The following PHF21A variants were observed in gnomAD, a reference collection of about 807,000 sequenced individuals.
PHF21A encodes PHD finger protein 21A, also known as BHC80a.
A neutral mutation model predicts 82.5 loss-of-function variants in PHF21A; 11 were observed. The observed-to-expected ratio is 0.13, with a 90% CI of 0.08 to 0.22. PHF21A has a LOEUF of 0.22. Ranked by LOEUF, PHF21A falls within the 10% of genes least tolerant of loss-of-function variation. PHF21A has a pLI of 1.00. For missense variants in PHF21A, 579 were observed against 837.8 expected (o/e 0.69, Z 3.81); for synonymous variants, 297 against 302.8 (o/e 0.98, Z 0.20).
chr11:46,029,432 A>G (rs1054581164), intron 6 of PHF21A, among the ~76,000 whole-genome samples: 1 of 152,240 alleles, frequency 6.6e-6, no homozygotes, highest in Non-Finnish European at 1.5e-5. Flanking sequence ...TCACGCCTGT[A>G]ATCCTAATAC....
At chr11:45,969,094 A>G (rs2136028684) in intron 9 of PHF21A, among the ~76,000 whole-genome samples, 1 of 152,226 alleles carries the variant, frequency 6.6e-6, no homozygotes, top group Admixed American at 6.5e-5. Flanking sequence ...TTTGGAAATC[A>G]TTTACACTAC....
At chr11:46,111,525 A>G (rs2097214026) in intron 1 of PHF21A, among the ~76,000 whole-genome samples, 1 of 152,190 alleles carries the variant, frequency 6.6e-6, no homozygotes, top group Non-Finnish European at 1.5e-5. Flanking sequence ...GTTTTCTTAA[A>G]TAAACATGGT....
intron 6 of PHF21A, among the ~76,000 whole-genome samples, chr11:46,008,650 T>C (rs1286431218): frequency 1.3e-5 from 2 of 152,180 alleles, no homozygotes; most frequent in African/African-American, 4.8e-5. Flanking sequence ...CTGGTGCTGC[T>C]GGACAAGTCA....
chr11:45,997,728 A>T (rs2094957700), intron 6 of PHF21A, among the ~76,000 whole-genome samples: 1 of 152,224 alleles, frequency 6.6e-6, no homozygotes, highest in Non-Finnish European at 1.5e-5. Context: ...GTTCTGACTC[A>T]TTGTTGGGCC....
At chr11:45,998,147 C>T (rs769455285) in intron 6 of PHF21A, among the ~76,000 whole-genome samples, 2 of 152,176 alleles carry the variant, frequency 1.3e-5, no homozygotes, top group Non-Finnish European at 2.9e-5. Context: ...CCATTCTAGT[C>T]GTCTTTGTTT....
intron 6 of PHF21A, among the ~76,000 whole-genome samples, chr11:46,019,712 G>A (rs573408003): frequency 2.0e-4 from 30 of 152,246 alleles, no homozygotes; most frequent in South Asian, 8.3e-4. Flanking sequence ...ATTAGTCTCC[G>A]GTTAGATTTA....
intron 6 of PHF21A, among the ~76,000 whole-genome samples, chr11:46,068,022 T>C (rs960309046): frequency 1.1e-4 from 17 of 152,046 alleles, no homozygotes; most frequent in African/African-American, 3.6e-4. Flanking sequence ...GGTAAGAAAA[T>C]TCCAGGTGTA....
chr11:45,977,990 A>G (rs1367574057), intron 7 of PHF21A, among the ~76,000 whole-genome samples: 1 of 151,946 alleles, frequency 6.6e-6, no homozygotes, highest in East Asian at 1.9e-4. Flanking sequence ...TCTGTGCCTT[A>G]GTTTTCTCTT....
chr11:45,976,639 T>G (rs2094040467), intron 7 of PHF21A, among the ~76,000 whole-genome samples: 1 of 152,116 alleles, frequency 6.6e-6, no homozygotes, highest in Non-Finnish European at 1.5e-5. Context: ...CTCCGGAGTT[T>G]GAGACCAGCC....
intron 1 of PHF21A, among the ~76,000 whole-genome samples, chr11:46,114,999 T>TA (rs2097270951): frequency 6.6e-6 from 1 of 152,222 alleles, no homozygotes; most frequent in Admixed American, 6.5e-5. Flanking sequence ...ATCCCCTCCA[T>TA]ACTGGTTCAC....
chr11:45,948,187 C>T (rs2091573090), intron 14 of PHF21A, among the ~76,000 whole-genome samples: 2 of 152,200 alleles, frequency 1.3e-5, no homozygotes, highest in Non-Finnish European at 2.9e-5. Context: ...TGTTTATGAG[C>T]TCAAACCCTG....
chr11:46,016,092 C>T (rs1389081392), intron 6 of PHF21A, among the ~76,000 whole-genome samples: 1 of 152,106 alleles, frequency 6.6e-6, no homozygotes, highest in Non-Finnish European at 1.5e-5. Context: ...CCAGCATCAC[C>T]ACAAACATGA....
chr11:45,991,918 A>C (rs1184951317), intron 6 of PHF21A, among the ~76,000 whole-genome samples: 1 of 152,250 alleles, frequency 6.6e-6, no homozygotes, highest in African/African-American at 2.4e-5. Flanking sequence ...AGGGGTTGAA[A>C]TCTCACTCAC....
intron 6 of PHF21A, among the ~76,000 whole-genome samples, chr11:46,020,238 A>G (rs1565574434): frequency 6.6e-6 from 1 of 152,176 alleles, no homozygotes; most frequent in Admixed American, 6.5e-5. Flanking sequence ...CCCTATTGAC[A>G]TTCTCAGACA....
At position 46,084,132 on chromosome 11, in the gene PHF21A, C is replaced by T. The variant is rs761704449; in HGVS notation, c.54+34G>A. ...TTTACTAATCTTAGCCATTACTTAA[C>T]AACAGTGTGGGAGAAGCCAATAATA... On this transcript the variant is annotated intron_variant, in intron 4 of 18. Transcript: ENST00000676320. The T allele has an allele frequency of 1.7e-5, 25 of 1,485,398 alleles. No homozygotes were observed. In the South Asian group the frequency reaches 2.0e-4, roughly 12 times the overall value. 92.0% of individuals were successfully genotyped at this position (1,485,398 alleles called of 1,614,324 possible).
intron 18 of PHF21A, chr11:45,935,247 C>T (rs1158375870): frequency 7.7e-7 from 1 of 1,298,956 alleles, no homozygotes; most frequent in Non-Finnish European, 1.0e-6. Flanking sequence ...GCTCAGGTGA[C>T]TAGGAAGAAT....
Position 45,950,192 on chromosome 11 carries a change from A to G in PHF21A, c.1147+14T>C, listed in dbSNP as rs751102550. On this transcript the variant is annotated intron_variant, in intron 12 of 18. Transcript: ENST00000676320. ...GCCAGAAAAAAAGGCAGTGCCAAGA[A>G]TATCTTCTCTTACCTTCTAGATGGT... The G allele has an allele frequency of 2.5e-6, 4 of 1,587,684 alleles. No homozygotes were observed. In the South Asian group the frequency reaches 3.4e-5, roughly 14 times the overall value.
chr11:46,094,623 G>A (rs1489582164), intron 1 of PHF21A, among the ~76,000 whole-genome samples: 1 of 152,190 alleles, frequency 6.6e-6, no homozygotes, highest in Non-Finnish European at 1.5e-5. Flanking sequence ...CGTGCACAGT[G>A]GCTCATGCCT....
At chr11:46,120,813 CAGAG>C (rs993138457) in intron 1 of PHF21A, 118 bp downstream of exon 1, 6 of 151,154 alleles carry the variant, frequency 4.0e-5, no homozygotes, top group African/African-American at 1.5e-4. Context: ...AGCGACAAGA[CAGAG>C]GGAGAGAGGA....
Sources: gnomAD v4.1 joint callset for allele counts (sites outside exome capture counted in the v4.1 genomes callset) on GRCh38, gnomAD v4.1.1 for gene constraint, MANE v1.5 for transcripts, NCBI Gene and HGNC (gene_info 2026-07-23, HGNC 2026-07-21) for gene names.